Variants in CAMTA1 observed in about 807,000 individuals in gnomAD.
The protein encoded by CAMTA1 is calmodulin binding transcription activator 1.
In CAMTA1, 27 loss-of-function variants were observed where a neutral mutation model predicts 170.9. The observed-to-expected ratio is 0.16, with a 90% confidence interval of 0.12 to 0.22. The LOEUF is 0.22. Ranked by LOEUF, CAMTA1 falls within the 10% of genes least tolerant of loss-of-function variation. The probability of loss-of-function intolerance (pLI) is 1.00; values close to 1 mark genes in which losing one functional copy is unlikely to be tolerated. For synonymous variants in CAMTA1, 833 were observed against 891.5 expected, an observed-to-expected ratio of 0.93 and a Z score of 1.17; for missense variants, 1,619 against 2,217.2, an observed-to-expected ratio of 0.73 and a Z score of 5.42.
chr1:7,136,927 C>T (rs1645577378), intron 4 of CAMTA1, among the ~76,000 whole-genome samples: 1 of 152,216 alleles, frequency 6.6e-6, no homozygotes, highest in Non-Finnish European at 1.5e-5. Context: ...CTTAGCTTTG[C>T]ACACTTTTTA....
chr1:7,655,187 AACAC>A (rs1328900700), intron 7 of CAMTA1, among the ~76,000 whole-genome samples: 4 of 89,128 alleles, frequency 4.5e-5, no homozygotes, highest in East Asian at 3.8e-4. Context: ...CCTATACACA[AACAC>A]ACACCCCTAT....
chr1:6,985,424 C>A (rs998163794), intron 3 of CAMTA1, among the ~76,000 whole-genome samples: 1 of 152,190 alleles, frequency 6.6e-6, no homozygotes, highest in African/African-American at 2.4e-5. Context: ...AAAGAAGAAA[C>A]CCCTTTATGC....
At chr1:7,212,281 TTTTTTTAAGG>T (rs1658915454) in intron 4 of CAMTA1, among the ~76,000 whole-genome samples, 1 of 152,154 alleles carries the variant, frequency 6.6e-6, no homozygotes, top group Non-Finnish European at 1.5e-5. Context: ...TCCTTGTTGA[TTTTTTTAAGG>T]ATGGAAAACA....
At chr1:7,037,616 G>GAGGCGT (rs1703804068) in intron 3 of CAMTA1, among the ~76,000 whole-genome samples, 1 of 152,146 alleles carries the variant, frequency 6.6e-6, no homozygotes, top group African/African-American at 2.4e-5. Context: ...GAGGCAGGCG[G>GAGGCGT]ATCATGAGGT....
intron 1 of CAMTA1, among the ~76,000 whole-genome samples, chr1:6,809,327 G>A (rs1311334462): frequency 6.6e-6 from 1 of 151,938 alleles, no homozygotes; most frequent in African/African-American, 2.4e-5. Flanking sequence ...GCGCCTGGCC[G>A]GTATCGCTGT....
intron 4 of CAMTA1, among the ~76,000 whole-genome samples, chr1:7,097,733 T>G (rs1642241722): frequency 1.3e-5 from 2 of 152,218 alleles, no homozygotes; most frequent in Admixed American, 1.3e-4. Context: ...GACGTTATAC[T>G]CAGTGAAATA....
At chr1:7,328,161 C>T (rs567771322) in intron 5 of CAMTA1, among the ~76,000 whole-genome samples, 32 of 152,224 alleles carry the variant, frequency 2.1e-4, no homozygotes, top group African/African-American at 7.7e-4. Flanking sequence ...CACTGGGCTT[C>T]CTTCTCGAAT....
chr1:7,071,549 A>G (rs1638650265), intron 3 of CAMTA1, among the ~76,000 whole-genome samples: 1 of 152,242 alleles, frequency 6.6e-6, no homozygotes, highest in Non-Finnish European at 1.5e-5. Context: ...GGTGATGTGT[A>G]GTGCAGAGCT....
At chr1:7,222,729 G>A (rs568293417) in intron 4 of CAMTA1, among the ~76,000 whole-genome samples, 1 of 152,368 alleles carries the variant, frequency 6.6e-6, no homozygotes, top group East Asian at 1.9e-4. Flanking sequence ...CCCACCTGAT[G>A]GCAATGGTCC....
chr1:6,991,515 C>A (rs1026853430), intron 3 of CAMTA1, among the ~76,000 whole-genome samples: 9 of 152,184 alleles, frequency 5.9e-5, no homozygotes, highest in Non-Finnish European at 1.3e-4. Flanking sequence ...ATCCATATAT[C>A]TCCCTTTGTG....
At chr1:7,707,779 G>A (rs114499524) in intron 11 of CAMTA1, among the ~76,000 whole-genome samples, 2,349 of 152,344 alleles carry the variant, frequency 0.015, 56 homozygotes, top group African/African-American at 0.053. Context: ...AATGGGTAGT[G>A]TCACATCATG....
At chr1:7,679,346 A>G (rs1470107826) in intron 11 of CAMTA1, among the ~76,000 whole-genome samples, 2 of 152,194 alleles carry the variant, frequency 1.3e-5, no homozygotes, top group Non-Finnish European at 2.9e-5. Context: ...TTCAGAGAGC[A>G]AAGTCACAGT....
At chr1:7,369,477 G>C (rs150689962) in intron 5 of CAMTA1, among the ~76,000 whole-genome samples, 1 of 152,142 alleles carries the variant, frequency 6.6e-6, no homozygotes, top group Non-Finnish European at 1.5e-5. Flanking sequence ...TCTGTTATGC[G>C]TGTGGTTAAG....
intron 6 of CAMTA1, among the ~76,000 whole-genome samples, chr1:7,604,615 A>G (rs933882537): frequency 4.6e-5 from 7 of 152,128 alleles, no homozygotes; most frequent in African/African-American, 1.7e-4. Context: ...CTTCTTTGCC[A>G]TGGGTTCGAA....
At chr1:7,703,810 G>A (rs2096469430) in intron 11 of CAMTA1, among the ~76,000 whole-genome samples, 1 of 152,200 alleles carries the variant, frequency 6.6e-6, no homozygotes, top group South Asian at 2.1e-4. Context: ...AAAGAAAGCG[G>A]GATCCGCTCG....
chr1:7,656,448 A>C lies in CAMTA1; in HGVS notation c.665-5278A>C, dbSNP rs183901232. ...GTCCTGCTGGGATAGGGTCCCACCC[A>C]TGTGACCTCACTTAACCGTAATTAC... is the stretch of plus-strand genomic sequence containing the variant. On this transcript the variant is annotated intron_variant, in intron 7 of 22. Transcript: ENST00000303635. Among the ~76,000 whole-genome samples the C allele has an allele frequency of 3.4e-4, 52 of 152,362 alleles. 1 individual carries two copies. The East Asian group carries it at 9.5e-3, about 28-fold the overall frequency.
intron 18 of CAMTA1, 113 bp from the exon 19 acceptor site, chr1:7,747,597 G>T: frequency 3.5e-5 from 20 of 569,600 alleles, no homozygotes; most frequent in South Asian, 2.0e-4. Flanking sequence ...ATATTTTTTG[G>T]TAAACCTGGG....
intron 3 of CAMTA1, among the ~76,000 whole-genome samples, chr1:6,895,116 C>T (rs1675346420): frequency 6.6e-6 from 1 of 152,150 alleles, no homozygotes; most frequent in Non-Finnish European, 1.5e-5. Context: ...CTTAAATCTG[C>T]CTTGGTGTCT....
intron 16 of CAMTA1, among the ~76,000 whole-genome samples, chr1:7,741,528 C>T (rs559087673): frequency 6.6e-6 from 1 of 151,526 alleles, no homozygotes; most frequent in South Asian, 2.1e-4. Flanking sequence ...CACCACTGCA[C>T]TCCAGCCTGG....
Sources: allele counts gnomAD v4.1 joint callset (sites outside exome capture counted in the v4.1 genomes callset), GRCh38; gene constraint gnomAD v4.1.1; transcripts MANE v1.5; gene names NCBI Gene and HGNC (gene_info 2026-07-23, HGNC 2026-07-21).